LAIR1: variants seen among roughly 807,000 people sequenced by gnomAD.
LAIR1 encodes leukocyte-associated immunoglobulin-like receptor 1.
In LAIR1, 24 loss-of-function variants were observed where a neutral mutation model predicts 32.8. The observed-to-expected ratio is 0.73, with a 90% CI of 0.53 to 1.03. The LOEUF (loss-of-function observed/expected upper bound fraction) is 1.03, where lower values mean the gene tolerates loss of function less well. Among genes scored for constraint, LAIR1 ranks in the 50% least tolerant of loss-of-function variants. The pLI, the probability that LAIR1 is intolerant of heterozygous loss-of-function variation, is 0.00. For synonymous variants in LAIR1, 150 were observed against 140.5 expected (o/e 1.07, Z -0.48); for missense variants, 355 against 347.5 (o/e 1.02, Z -0.17).
At chr19:54,372,522 A>C, upstream of LAIR1, among the ~76,000 whole-genome samples, 1 of 133,346 alleles carries the variant, frequency 7.5e-6, no homozygotes, top group African/African-American at 2.9e-5. Context: ...ATGAAGTCTC[A>C]CTCTGTCACC....
chr19:54,364,956 C>T (rs2082204066), upstream of LAIR1: 6 of 1,531,452 alleles, frequency 3.9e-6, no homozygotes, highest in Non-Finnish European at 5.3e-6. This position sits in a 1 kb window ranked among gnomAD's most constrained non-coding sequence, Gnocchi z 4.8. Flanking sequence ...GAAGAGCTTT[C>T]TGTCCTGTTC....
chr19:54,366,110 G>C (rs541934847), upstream of LAIR1, among the ~76,000 whole-genome samples: 260 of 152,232 alleles, frequency 1.7e-3, no homozygotes, highest in Non-Finnish European at 2.5e-3. Context: ...GGTTACGGGG[G>C]CTGGGAGGAG....
upstream of LAIR1, among the ~76,000 whole-genome samples, chr19:54,374,317 C>T (rs1425860258): frequency 1.3e-5 from 2 of 152,156 alleles, no homozygotes; most frequent in Admixed American, 6.5e-5. Flanking sequence ...AACCCATGCA[C>T]GTCTTAGCTA....
rs2081675058 is a variant in LAIR1, at chr19:54,355,871, C to T, written c.717+83G>A. On this transcript the variant is annotated intron_variant, in intron 9 of 9. Coordinates refer to ENST00000391742, the MANE Select transcript of LAIR1 (RefSeq NM_002287.6). The surrounding 1 kb of genome is among the most constrained non-coding windows in gnomAD (Gnocchi z 4.7). ...GAGCCGGAACCGCCCAGCTGAGCCA[C>T]TCCTGAATTCCTAACCCAAGGAACT... 3.1e-6 allele frequency: 3 copies of T among 975,606 alleles called. No individual in the cohort carries two copies. The South Asian group carries it at 3.9e-5, about 13-fold the overall frequency. The allele number at this position is 975,606 out of a possible 1,614,324, so 60.4% of individuals were successfully genotyped here. A position where few individuals can be genotyped will look rare whatever the true frequency, so the allele number is the denominator to read the frequency against.
upstream of LAIR1, among the ~76,000 whole-genome samples, chr19:54,373,045 T>C (rs1176998024): frequency 5.4e-5 from 8 of 147,472 alleles, no homozygotes; most frequent in Non-Finnish European, 1.0e-4. Flanking sequence ...GGCAGGAGAA[T>C]TGCTTGAACC....
Position 54,355,067 on chromosome 19 carries a change from T to G in LAIR1, c.*201A>C. On this transcript the variant is annotated 3_prime_UTR_variant, in exon 10 of 10. Coordinates refer to ENST00000391742, the MANE Select transcript of LAIR1 (RefSeq NM_002287.6). The surrounding 1 kb of genome is among the most constrained non-coding windows in gnomAD (Gnocchi z 4.7). Reference sequence around the variant, plus strand: ...ACAGTCTGTCCAAGGAGCTGCTCGATTGTAGAAGGGACCACCTGGCTAACG... The same window carrying G: ...ACAGTCTGTCCAAGGAGCTGCTCGAGTGTAGAAGGGACCACCTGGCTAACG... 5.6e-6 allele frequency: 3 copies of G among 532,832 alleles called. No homozygotes were observed. The highest frequency in any genetic ancestry group is 1.0e-5 in the Non-Finnish European group (3 of 299,514). 33.0% of individuals were successfully genotyped at this position (532,832 alleles called of 1,614,324 possible).
At chr19:54,363,889 A>C (rs2082137138) in intron 2 of LAIR1, among the ~76,000 whole-genome samples, 1 of 152,164 alleles carries the variant, frequency 6.6e-6, no homozygotes, top group Admixed American at 6.5e-5. Flanking sequence ...GCAGAATGAC[A>C]GTAGTTCATA....
chr19:54,364,832 C>G lies in LAIR1; in HGVS notation c.-28G>C, dbSNP rs1479097301. 5.0e-6 allele frequency: 8 copies of G among 1,613,926 alleles called. No individual in the cohort carries two copies. The African/African-American group carries it at 1.1e-4, about 22-fold the overall frequency. On this transcript the variant is annotated 5_prime_UTR_variant, in exon 1 of 10. Transcript: ENST00000391742. This position sits in a 1 kb window ranked among gnomAD's most constrained non-coding sequence, Gnocchi z 4.8. Reference sequence around the variant, plus strand: ...CCCAGGTCCCAGCAGTGCAGCCTGGCCTGAGGCGCACCAATGCAAGGACAG... The same window carrying G: ...CCCAGGTCCCAGCAGTGCAGCCTGGGCTGAGGCGCACCAATGCAAGGACAG...
intron 2 of LAIR1, among the ~76,000 whole-genome samples, chr19:54,363,611 C>G (rs2082124341): frequency 6.6e-6 from 1 of 152,170 alleles, no homozygotes; most frequent in Non-Finnish European, 1.5e-5. Context: ...GAATATTATT[C>G]AGCCCTAAAA....
rs1480348724 is a variant in LAIR1, at chr19:54,354,991, C to T, written c.*277G>A. The T allele has an allele frequency of 5.4e-6, 2 of 369,704 alleles. No homozygotes were observed. Among genetic ancestry groups the T allele is most frequent in the African/African-American group, 4.2e-5 (2 of 47,962 alleles). The allele number at this position is 369,704 out of a possible 1,614,324, so 22.9% of individuals were successfully genotyped here. A position where few individuals can be genotyped will look rare whatever the true frequency, so the allele number is the denominator to read the frequency against. ...AACAGTCAGGTGAATAAAGCTGGGT[C>T]TCTAGAAACAGCCAGGGAACTGTAG... On this transcript the variant is annotated 3_prime_UTR_variant, in exon 10 of 10. Coordinates refer to ENST00000391742, the MANE Select transcript of LAIR1 (RefSeq NM_002287.6).
chr19:54,372,075 C>G (rs980776323), upstream of LAIR1, among the ~76,000 whole-genome samples: 1 of 151,550 alleles, frequency 6.6e-6, no homozygotes, highest in African/African-American at 2.4e-5. Context: ...CAAGTTTGGG[C>G]GATTATGAAT....
chr19:54,365,277 TA>T (rs2082216742), upstream of LAIR1, among the ~76,000 whole-genome samples: 2 of 152,222 alleles, frequency 1.3e-5, no homozygotes. Context: ...TGATCTATGC[TA>T]AAATCCCGAC....
chr19:54,361,461 G>A (rs2082020206), intron 2 of LAIR1, among the ~76,000 whole-genome samples: 1 of 151,788 alleles, frequency 6.6e-6, no homozygotes, highest in South Asian at 2.1e-4. Flanking sequence ...CCTTGCTCAG[G>A]GTCATGTGGG....
upstream of LAIR1, among the ~76,000 whole-genome samples, chr19:54,369,921 T>G (rs1447437757): frequency 6.7e-6 from 1 of 150,114 alleles, no homozygotes; most frequent in African/African-American, 2.5e-5. Context: ...ATCTCAAGCT[T>G]GGACCTCGTG....
chr19:54,374,237 G>A (rs1483096694), upstream of LAIR1, among the ~76,000 whole-genome samples: 1 of 152,128 alleles, frequency 6.6e-6, no homozygotes, highest in Non-Finnish European at 1.5e-5. Context: ...TGACTCCCCT[G>A]TACTTAGAAG....
At chr19:54,366,520 G>A (rs555507662), upstream of LAIR1, among the ~76,000 whole-genome samples, 13 of 152,064 alleles carry the variant, frequency 8.5e-5, no homozygotes, top group East Asian at 1.2e-3. Context: ...ACGGAGTCTC[G>A]CTCTGTTGCC....
chr19:54,367,061 C>T (rs2082280096), upstream of LAIR1, among the ~76,000 whole-genome samples: 1 of 152,174 alleles, frequency 6.6e-6, no homozygotes, highest in Admixed American at 6.5e-5. Flanking sequence ...ACCAAAACAT[C>T]TCATCTACCC....
chr19:54,364,756 G>A lies in LAIR1; in HGVS notation c.34+15C>T. On this transcript the variant is annotated intron_variant, in intron 1 of 9. Coordinates refer to ENST00000391742, the MANE Select transcript of LAIR1 (RefSeq NM_002287.6). The surrounding 1 kb of genome is among the most constrained non-coding windows in gnomAD (Gnocchi z 4.8). Reference sequence around the variant, plus strand: ...CGACCCCCTTTCCAGCCTCCCGGCTGCCTCCAGGACTCACCTAGGCCCAGG... The same window carrying A: ...CGACCCCCTTTCCAGCCTCCCGGCTACCTCCAGGACTCACCTAGGCCCAGG... 1 of 1,608,074 alleles carries A rather than the reference G, an allele frequency of 6.2e-7. No individual in the cohort carries two copies. The highest frequency in any genetic ancestry group is 8.5e-7 in the Non-Finnish European group (1 of 1,175,006).
chr19:54,366,996 C>T (rs1190546530), upstream of LAIR1, among the ~76,000 whole-genome samples: 3 of 152,172 alleles, frequency 2.0e-5, no homozygotes, highest in Non-Finnish European at 2.9e-5. Flanking sequence ...AAGTAGGCTG[C>T]TGGGCAACGA....
Sources: allele counts gnomAD v4.1 joint callset (sites outside exome capture counted in the v4.1 genomes callset), GRCh38; gene constraint gnomAD v4.1.1; non-coding constraint Gnocchi (gnomAD v3.1); transcripts MANE v1.5; gene names NCBI Gene and HGNC (gene_info 2026-07-23, HGNC 2026-07-21).